Variants in SNX4 observed in about 807,000 individuals in gnomAD.
SNX4 encodes sorting nexin 4.
Under a neutral mutation model 70.8 loss-of-function variants are expected in SNX4, and 49 were observed. That is an observed-to-expected ratio of 0.69 (90% CI 0.55 to 0.88). The LOEUF (loss-of-function observed/expected upper bound fraction) is 0.88. Among genes scored for constraint, SNX4 ranks in the 40% least tolerant of loss-of-function variants. The probability of loss-of-function intolerance (pLI) is 0.00; values close to 1 mark genes in which losing one functional copy is unlikely to be tolerated. For missense variants in SNX4, 528 were observed against 544.8 expected (o/e 0.97, Z 0.31); for synonymous variants, 206 against 183.8 (o/e 1.12, Z -0.98).
At chr3:125,449,909 C>G (rs751415655) in intron 13 of SNX4, among the ~76,000 whole-genome samples, 1 of 152,158 alleles carries the variant, frequency 6.6e-6, no homozygotes, top group Non-Finnish European at 1.5e-5. Flanking sequence ...CCTTTGTTAT[C>G]TGGTCTTTCA....
intron 8 of SNX4, among the ~76,000 whole-genome samples, chr3:125,474,737 C>G (rs1466545737): frequency 6.6e-6 from 1 of 152,188 alleles, no homozygotes; most frequent in Non-Finnish European, 1.5e-5. Flanking sequence ...AAGTTTGATT[C>G]AACCAATTGA....
At chr3:125,518,102 T>A (rs959553673) in intron 1 of SNX4, among the ~76,000 whole-genome samples, 2 of 152,210 alleles carry the variant, frequency 1.3e-5, no homozygotes, top group African/African-American at 4.8e-5. Flanking sequence ...ATAAAAGACA[T>A]ATATAATGCC....
At chr3:125,495,275 T>TATATATATATACACACACACACAC in intron 5 of SNX4, among the ~76,000 whole-genome samples, 2 of 83,046 alleles carry the variant, frequency 2.4e-5, no homozygotes, top group African/African-American at 7.3e-5. Context: ...TATATATATA[T>TATATATATATACACACACACACAC]ATACACATAC....
Position 125,519,563 on chromosome 3 carries a change from C to T in SNX4, c.141+469G>A, listed in dbSNP as rs1425993785. ...GCACCTCACTCTAGTCCCCCATTCC[C>T]TTCCTTCTCAAGCACTGTTGCCCAC... is the stretch of plus-strand genomic sequence containing the variant. On this transcript the variant is annotated intron_variant, in intron 1 of 13. Coordinates refer to ENST00000251775, the MANE Select transcript of SNX4 (RefSeq NM_003794.4). Among the ~76,000 whole-genome samples the T allele has an allele frequency of 2.6e-5, 4 of 152,162 alleles. No homozygotes were observed. In the East Asian group the frequency reaches 5.8e-4, roughly 22 times the overall value.
chr3:125,491,329 T>C (rs1432145150), intron 5 of SNX4, among the ~76,000 whole-genome samples: 1 of 152,212 alleles, frequency 6.6e-6, no homozygotes, highest in Non-Finnish European at 1.5e-5. Context: ...TTCAGTCACA[T>C]GCAAAATGTG....
At chr3:125,503,204 G>C (rs375368396) in intron 2 of SNX4, among the ~76,000 whole-genome samples, 2 of 152,244 alleles carry the variant, frequency 1.3e-5, no homozygotes, top group African/African-American at 4.8e-5. Flanking sequence ...ACCACGCCCA[G>C]CTAGGTTTGG....
At chr3:125,454,218 C>T (rs1315367145) in intron 11 of SNX4, among the ~76,000 whole-genome samples, 1 of 152,184 alleles carries the variant, frequency 6.6e-6, no homozygotes, top group African/African-American at 2.4e-5. Flanking sequence ...GGGTCCCCAA[C>T]CCCAGAGCCA....
chr3:125,485,882 C>T (rs1338581086), intron 6 of SNX4, among the ~76,000 whole-genome samples: 1 of 152,088 alleles, frequency 6.6e-6, no homozygotes, highest in African/African-American at 2.4e-5. Flanking sequence ...GCTCTGTTGC[C>T]CAGACTGGAG....
intron 2 of SNX4, 40 bp downstream of exon 2, chr3:125,504,582 GC>G (rs1311968895): frequency 1.3e-6 from 2 of 1,581,616 alleles, no homozygotes; most frequent in Non-Finnish European, 1.7e-6. Context: ...ATCAGAAAAA[GC>G]TTTCTGTCTA....
chr3:125,503,758 GT>G (rs1484017739), intron 2 of SNX4, among the ~76,000 whole-genome samples: 2 of 152,128 alleles, frequency 1.3e-5, no homozygotes, highest in Admixed American at 6.5e-5. Flanking sequence ...TCCAAAGCAT[GT>G]ATCGTTATTT....
intron 13 of SNX4, chr3:125,449,036 T>C (rs1933505140): frequency 6.6e-6 from 1 of 152,126 alleles, no homozygotes; most frequent in African/African-American, 2.4e-5. Flanking sequence ...TAATTACTCA[T>C]TTATGAGAAA....
chr3:125,454,080 T>C (rs1933648818), intron 11 of SNX4, 125 bp from the exon 12 acceptor site: 1 of 722,328 alleles, frequency 1.4e-6, no homozygotes. Context: ...TGGATAAACC[T>C]GCAGGACATT....
chr3:125,469,916 G>A (rs563112817), intron 8 of SNX4, among the ~76,000 whole-genome samples: 6 of 152,086 alleles, frequency 3.9e-5, no homozygotes, highest in Non-Finnish European at 5.9e-5. Flanking sequence ...CTCCATGTAC[G>A]GCTCTGATGA....
At chr3:125,453,086 C>A (rs1933619072) in intron 12 of SNX4, among the ~76,000 whole-genome samples, 1 of 152,156 alleles carries the variant, frequency 6.6e-6, no homozygotes. Flanking sequence ...GATAGTGGGT[C>A]TCTGAGAACT....
At chr3:125,489,124 T>A (rs1934597414) in intron 6 of SNX4, among the ~76,000 whole-genome samples, 1 of 152,216 alleles carries the variant, frequency 6.6e-6, no homozygotes, top group African/African-American at 2.4e-5. Flanking sequence ...TAAGGAAAAC[T>A]ATAAAATTAA....
intron 1 of SNX4, 95 bp downstream of exon 1, chr3:125,519,937 T>TGGCCC (rs529152980): frequency 0.043 from 37,337 of 873,952 alleles, 2,500 homozygotes; most frequent in African/African-American, 0.12. Flanking sequence ...CCGAGCCCAC[T>TGGCCC]GGCCCGGCCC....
At chr3:125,469,108 A>G (rs1316695396) in intron 9 of SNX4, among the ~76,000 whole-genome samples, 1 of 152,224 alleles carries the variant, frequency 6.6e-6, no homozygotes, top group Non-Finnish European at 1.5e-5. Context: ...ACTATTAAGT[A>G]CAATATTGGC....
intron 10 of SNX4, among the ~76,000 whole-genome samples, chr3:125,458,886 A>G (rs899190458): frequency 1.4e-5 from 2 of 145,636 alleles, no homozygotes; most frequent in Non-Finnish European, 3.0e-5. Flanking sequence ...CAAAGTAAAA[A>G]AAAGAGGCTG....
Position 125,448,357 on chromosome 3 carries a change from A to T in SNX4, c.1306-531T>A, listed in dbSNP as rs865811586. Among the ~76,000 whole-genome samples, 39 of 151,522 alleles carry T rather than the reference A, an allele frequency of 2.6e-4. 2 individuals are homozygous for T. The highest frequency in any genetic ancestry group is 2.0e-3 in the Admixed American group (31 of 15,174). ...ACTATGTTACCCAGGCTGGTCTGGA[A>T]TTCCTGGGCTCAAGCGACCTGCTTG... is the stretch of plus-strand genomic sequence containing the variant. On this transcript the variant is annotated intron_variant, in intron 13 of 13. Transcript: ENST00000251775.
Sources: allele counts gnomAD v4.1 joint callset (sites outside exome capture counted in the v4.1 genomes callset), GRCh38; gene constraint gnomAD v4.1.1; transcripts MANE v1.5; gene names NCBI Gene and HGNC (gene_info 2026-07-23, HGNC 2026-07-21).